Variants in FNDC3B observed in about 807,000 individuals in gnomAD.
FNDC3B encodes the protein fibronectin type III domain-containing protein 3B.
A neutral mutation model predicts 151.5 loss-of-function variants in FNDC3B; 12 were observed. That is an observed-to-expected ratio of 0.08 (90% CI 0.05 to 0.13). The LOEUF is 0.13. FNDC3B is among the 10% of genes least tolerant of loss of function. The probability of loss-of-function intolerance (pLI) is 1.00; values close to 1 mark genes in which losing one functional copy is unlikely to be tolerated. For synonymous variants in FNDC3B, 528 were observed against 549.0 expected (o/e 0.96, Z 0.54); for missense variants, 1,214 against 1,505.3 (o/e 0.81, Z 3.20).
intron 1 of FNDC3B, among the ~76,000 whole-genome samples, chr3:172,074,612 A>G (rs1717921870): frequency 6.6e-6 from 1 of 152,166 alleles, no homozygotes; most frequent in African/African-American, 2.4e-5. Flanking sequence ...AGGATGTTGC[A>G]GATATCTTAG....
In FNDC3B at chr3:172,254,207, C is replaced by T. The variant is rs936831864; in HGVS notation, c.790+2666C>T. 3.9e-5 allele frequency among the ~76,000 whole-genome samples: 6 copies of T among 152,270 alleles called. No homozygotes were observed. In the East Asian group the frequency reaches 9.6e-4, roughly 24 times the overall value. On this transcript the variant is annotated intron_variant, in intron 6 of 25. Transcript: ENST00000415807. ...CAAACAACTCATGTTAATATAAATACATGTATTAAAAAGATGCGGATACCT... is the reference window on the plus strand; with the variant it reads ...CAAACAACTCATGTTAATATAAATATATGTATTAAAAAGATGCGGATACCT...
intron 12 of FNDC3B, 145 bp downstream of exon 12, chr3:172,329,221 G>C: frequency 1.1e-6 from 1 of 940,498 alleles, no homozygotes; most frequent in Non-Finnish European, 1.6e-6. Context: ...CTAATCAGAG[G>C]AGAGAAGGCC....
chr3:172,170,016 G>C (rs1004781551), intron 3 of FNDC3B, among the ~76,000 whole-genome samples: 1 of 151,922 alleles, frequency 6.6e-6, no homozygotes, highest in African/African-American at 2.4e-5. Context: ...ACACAGAACT[G>C]GCTTCTAGTG....
intron 23 of FNDC3B, among the ~76,000 whole-genome samples, chr3:172,364,308 A>G (rs1213918741): frequency 1.3e-5 from 2 of 152,210 alleles, no homozygotes; most frequent in African/African-American, 2.4e-5. Flanking sequence ...GGAAATTTTT[A>G]AATGTCTTTT....
At chr3:172,167,432 G>C (rs1486416986) in intron 3 of FNDC3B, among the ~76,000 whole-genome samples, 1 of 152,150 alleles carries the variant, frequency 6.6e-6, no homozygotes, top group Admixed American at 6.5e-5. Context: ...CAGTTTCACT[G>C]GTTCTGCCTG....
At chr3:172,276,318 T>A (rs1285761170) in intron 6 of FNDC3B, among the ~76,000 whole-genome samples, 1 of 152,142 alleles carries the variant, frequency 6.6e-6, no homozygotes, top group African/African-American at 2.4e-5. Flanking sequence ...AGAAGATAGC[T>A]TGAAGAGCCT....
chr3:172,382,932 G>A (rs1029307396), intron 25 of FNDC3B, among the ~76,000 whole-genome samples: 5 of 152,122 alleles, frequency 3.3e-5, no homozygotes, highest in Non-Finnish European at 7.4e-5. Flanking sequence ...TTTTGCTTAG[G>A]ATTGTCTTGG....
intron 1 of FNDC3B, among the ~76,000 whole-genome samples, chr3:172,076,663 A>C (rs542041856): frequency 7.3e-4 from 92 of 125,582 alleles, no homozygotes; most frequent in African/African-American, 2.4e-3. Context: ...AAAAATGATC[A>C]AAATACAGAA....
chr3:172,361,964 G>A (rs554203383), intron 22 of FNDC3B, among the ~76,000 whole-genome samples: 3 of 152,216 alleles, frequency 2.0e-5, no homozygotes, highest in East Asian at 1.9e-4. Flanking sequence ...AAGCCACCAC[G>A]CCTGGCCTAA....
intron 1 of FNDC3B, among the ~76,000 whole-genome samples, chr3:172,058,279 A>G (rs1280508675): frequency 7.3e-6 from 1 of 137,928 alleles, no homozygotes; most frequent in Non-Finnish European, 1.6e-5. Flanking sequence ...AGGGTAATCA[A>G]TTACTTTGTG....
At chr3:172,157,983 T>C (rs1376368332) in intron 3 of FNDC3B, among the ~76,000 whole-genome samples, 1 of 152,180 alleles carries the variant, frequency 6.6e-6, no homozygotes, top group African/African-American at 2.4e-5. Context: ...AGTGCCATGA[T>C]TAAAGAGACC....
rs182512472 is a variant in FNDC3B, at chr3:172,242,444, C to T, written c.265-5089C>T. Among the ~76,000 whole-genome samples, 193 of 152,332 alleles carry T rather than the reference C, an allele frequency of 1.3e-3. 1 individual carries two copies. The highest frequency in any genetic ancestry group is 4.4e-3 in the African/African-American group (184 of 41,584). On this transcript the variant is annotated intron_variant, in intron 4 of 25. Transcript: ENST00000415807. The stretch of plus-strand genomic sequence containing the variant: ...ACATCCAGGCATTTCCATACAGCCT[C>T]TGAAGTCTAGGCGGAGGTTCCCAAA...
At chr3:172,111,520 T>A (rs1719965387) in intron 1 of FNDC3B, among the ~76,000 whole-genome samples, 1 of 152,186 alleles carries the variant, frequency 6.6e-6, no homozygotes, top group African/African-American at 2.4e-5. Flanking sequence ...AATGGGTGTA[T>A]AATAAACAGG....
intron 2 of FNDC3B, among the ~76,000 whole-genome samples, chr3:172,123,324 C>T (rs1720647553): frequency 6.6e-6 from 1 of 152,152 alleles, no homozygotes; most frequent in Non-Finnish European, 1.5e-5. Flanking sequence ...ACAGGTGTGA[C>T]CCTCTGTGCC....
At chr3:172,335,796 A>C (rs1001015777) in intron 15 of FNDC3B, 1 of 152,148 alleles carries the variant, frequency 6.6e-6, no homozygotes, top group Non-Finnish European at 1.5e-5. Flanking sequence ...AATAATATTA[A>C]CTAATAGGCA....
chr3:172,193,396 G>C (rs909768627), intron 3 of FNDC3B, among the ~76,000 whole-genome samples: 5 of 138,460 alleles, frequency 3.6e-5, no homozygotes, highest in Admixed American at 3.1e-4. Flanking sequence ...TAGGTTGCTA[G>C]TCTCAAGTAT....
At position 172,039,629 on chromosome 3, in the gene FNDC3B, C is replaced by CGGCGGCGGCGGCTGGAGGAGGAG; in HGVS notation, c.-170_-148dup. On this transcript the variant is annotated 5_prime_UTR_variant, in exon 1 of 26. Transcript: ENST00000415807. ...ACCCTCCTGGTAGTTATTTGAGCGGCGGCGGCGGCGGCTGGAGGAGGAGAG... is the reference window on the plus strand; with the variant it reads ...ACCCTCCTGGTAGTTATTTGAGCGGCGGCGGCGGCGGCTGGAGGAGGAGGGCGGCGGCGGCTGGAGGAGGAGAG... 1 of 163,396 alleles carries CGGCGGCGGCGGCTGGAGGAGGAG rather than the reference C, an allele frequency of 6.1e-6. No homozygotes were observed. The highest frequency in any genetic ancestry group is 1.3e-5 in the Non-Finnish European group (1 of 76,400). The allele number at this position is 163,396 out of a possible 1,614,324, so 10.1% of individuals were successfully genotyped here. A position where few individuals can be genotyped will look rare whatever the true frequency, so the allele number is the denominator to read the frequency against.
At chr3:172,083,336 A>T (rs944378259) in intron 1 of FNDC3B, among the ~76,000 whole-genome samples, 16 of 152,228 alleles carry the variant, frequency 1.1e-4, no homozygotes, top group African/African-American at 1.4e-4. Flanking sequence ...GAGCGTGCAG[A>T]TGGAGCTGCA....
Position 172,266,348 on chromosome 3 carries a change from T to C in FNDC3B, c.790+14807T>C, listed in dbSNP as rs79887830. Among the ~76,000 whole-genome samples the C allele has an allele frequency of 4.3e-3, 655 of 152,334 alleles. 9 individuals are homozygous for C. Among genetic ancestry groups the C allele is most frequent in the East Asian group, 0.03 (156 of 5,188 alleles). ...CACACAAAGCTGGTGCTTCTTTTTT[T>C]TCCCCCATAGAGATGGGGTCTTGCC... On this transcript the variant is annotated intron_variant, in intron 6 of 25. Transcript: ENST00000415807.
Sources: allele counts gnomAD v4.1 joint callset (sites outside exome capture counted in the v4.1 genomes callset), GRCh38; gene constraint gnomAD v4.1.1; transcripts MANE v1.5; gene names NCBI Gene and HGNC (gene_info 2026-07-23, HGNC 2026-07-21).